TPTE: variants seen among roughly 807,000 people sequenced by gnomAD.
TPTE encodes putative tyrosine-protein phosphatase TPTE.
In TPTE, 59 loss-of-function variants were observed where a neutral mutation model predicts 84.1. The ratio of observed to expected loss-of-function variants is 0.70; its 90% CI spans 0.57 to 0.87. TPTE has a LOEUF of 0.87. Ranked by LOEUF, TPTE falls within the 40% of genes least tolerant of loss-of-function variation. The pLI, the probability that TPTE is intolerant of heterozygous loss-of-function variation, is 0.00. For synonymous variants in TPTE, 130 were observed against 223.5 expected, an observed-to-expected ratio of 0.58 and a Z score of 3.73; for missense variants, 382 against 659.6, an observed-to-expected ratio of 0.58 and a Z score of 4.61.
intron 8 of TPTE, among the ~76,000 whole-genome samples, chr21:10,555,211 T>A (rs1443732314): frequency 1.3e-5 from 2 of 152,298 alleles, no homozygotes; most frequent in Admixed American, 1.3e-4. Context: ...TATCTTTTTT[T>A]CTCTCTTTTT....
chr21:10,589,314 G>A (rs1485141016), intron 17 of TPTE, among the ~76,000 whole-genome samples: 1 of 152,302 alleles, frequency 6.6e-6, no homozygotes, highest in African/African-American at 2.4e-5. Flanking sequence ...TTGGGTGTGT[G>A]GTTTGACCTA....
intron 5 of TPTE, among the ~76,000 whole-genome samples, chr21:10,541,778 G>T (rs1206020897): frequency 3.3e-5 from 5 of 152,422 alleles, no homozygotes; most frequent in Admixed American, 2.6e-4. Context: ...AGTAGGCCCA[G>T]GGAAGAGAGA....
chr21:10,537,003 A>C (rs1368093477), intron 3 of TPTE, among the ~76,000 whole-genome samples: 2 of 152,310 alleles, frequency 1.3e-5, no homozygotes, highest in Non-Finnish European at 2.9e-5. Flanking sequence ...TGTGAGGCTA[A>C]CACTACAAGC....
chr21:10,543,014 C>CTTT lies in TPTE; in HGVS notation c.120-291_120-289dup, dbSNP rs1051322060. On this transcript the variant is annotated intron_variant, in intron 6 of 23. Transcript: ENST00000618007. Reference sequence around the variant, plus strand: ...ATCGCGTCTCCTATCTGACTGTATTCTTTTTTTTTTTTTTTTTTTTTTTTT... The same window carrying CTTT: ...ATCGCGTCTCCTATCTGACTGTATTCTTTTTTTTTTTTTTTTTTTTTTTTTTTT... Among the ~76,000 whole-genome samples the CTTT allele has an allele frequency of 3.8e-3, 275 of 72,300 alleles. 26 individuals carry two copies. The highest frequency in any genetic ancestry group is 4.9e-3 in the Non-Finnish European group (200 of 40,818). The allele number at this position is 72,300 out of a possible 152,430, so 47.4% of individuals were successfully genotyped here.
At chr21:10,548,157 G>A (rs2074505091) in intron 7 of TPTE, among the ~76,000 whole-genome samples, 1 of 152,300 alleles carries the variant, frequency 6.6e-6, no homozygotes, top group Admixed American at 6.5e-5. Context: ...TGAGAGACAA[G>A]CAACTGTGTA....
At chr21:10,582,959 C>A (rs2075296790) in intron 17 of TPTE, among the ~76,000 whole-genome samples, 1 of 152,310 alleles carries the variant, frequency 6.6e-6, no homozygotes, top group Non-Finnish European at 1.5e-5. Context: ...TCTCAAATTC[C>A]TGACCTCAAG....
intron 17 of TPTE, among the ~76,000 whole-genome samples, chr21:10,580,445 A>T (rs1648802395): frequency 6.6e-6 from 1 of 152,310 alleles, no homozygotes. Flanking sequence ...AATGTCAAGA[A>T]GATTTTCACC....
chr21:10,532,068 CT>C (rs2074188311), intron 3 of TPTE, among the ~76,000 whole-genome samples: 1 of 152,304 alleles, frequency 6.6e-6, no homozygotes, highest in African/African-American at 2.4e-5. Context: ...TTAATGGAGC[CT>C]TTATATGTTG....
chr21:10,555,328 T>C (rs558504099), intron 8 of TPTE, among the ~76,000 whole-genome samples: 213 of 152,336 alleles, frequency 1.4e-3, no homozygotes, highest in African/African-American at 5.0e-3. Context: ...TGCCTCAGCC[T>C]CCTGAGTAGC....
At chr21:10,587,794 C>T (rs1474732149) in intron 17 of TPTE, among the ~76,000 whole-genome samples, 3 of 152,428 alleles carry the variant, frequency 2.0e-5, no homozygotes, top group Non-Finnish European at 1.5e-5. Flanking sequence ...AGGTGATCCA[C>T]CCACCTCAGC....
chr21:10,569,710 AG>A lies in TPTE; in HGVS notation c.697del (p.Asp233MetfsTer5). The A allele has an allele frequency of 6.2e-7, 1 of 1,614,042 alleles. No individual in the cohort carries two copies. The highest frequency in any genetic ancestry group is 8.5e-7 in the Non-Finnish European group (1 of 1,179,866). On this transcript the variant is annotated frameshift_variant, in exon 13 of 24. Transcript: ENST00000618007. LOFTEE classifies it high-confidence loss of function. ...TTCAGAAAACAAAAGGCGATACACA[AG>A]GGATGGATTTGACCTAGACCTCACT... ...RVSENKRRYT[R>X]DGFDLDLTYV...
chr21:10,548,782 T>C (rs212120), intron 7 of TPTE, among the ~76,000 whole-genome samples: 549 of 152,184 alleles, frequency 3.6e-3, no homozygotes, highest in African/African-American at 0.011. Flanking sequence ...ATACCAGTTA[T>C]GGGAAACAGC....
chr21:10,555,822 A>G (rs919385988), intron 8 of TPTE, among the ~76,000 whole-genome samples: 1 of 152,312 alleles, frequency 6.6e-6, no homozygotes, highest in South Asian at 2.1e-4. Context: ...TTAAATGTTT[A>G]GAAAACATAA....
intron 7 of TPTE, among the ~76,000 whole-genome samples, chr21:10,546,951 C>T (rs552040033): frequency 6.6e-6 from 1 of 152,428 alleles, no homozygotes; most frequent in East Asian, 1.9e-4. Flanking sequence ...ATGAATGTGG[C>T]CAAACTAAAC....
chr21:10,546,016 C>T (rs1379173303), intron 7 of TPTE, among the ~76,000 whole-genome samples: 2 of 152,276 alleles, frequency 1.3e-5, no homozygotes, highest in African/African-American at 2.4e-5. Context: ...TGTGTATATG[C>T]AGGTATATCT....
chr21:10,575,531 GATGGGTCCCTGATCCC>G (rs1467139241), intron 14 of TPTE, among the ~76,000 whole-genome samples: 1 of 152,308 alleles, frequency 6.6e-6, no homozygotes, highest in Admixed American at 6.5e-5. Context: ...TGCTTTTTTG[GATGGGTCCCTGATCCC>G]ATGCCTCCTG....
chr21:10,541,323 C>G (rs1363993353), intron 5 of TPTE, among the ~76,000 whole-genome samples, 158 bp downstream of exon 5: 5 of 152,414 alleles, frequency 3.3e-5, no homozygotes, highest in African/African-American at 1.2e-4. Flanking sequence ...ACTACAAGAA[C>G]TAGCCAGGTG....
chr21:10,541,512 A>AT (rs2074369514), intron 5 of TPTE, among the ~76,000 whole-genome samples: 1 of 152,310 alleles, frequency 6.6e-6, no homozygotes, highest in African/African-American at 2.4e-5. Flanking sequence ...ACACACACAA[A>AT]ACAGTGACAG....
At chr21:10,541,951 T>C (rs1195299529) in intron 5 of TPTE, among the ~76,000 whole-genome samples, 5 of 152,308 alleles carry the variant, frequency 3.3e-5, no homozygotes, top group Non-Finnish European at 7.3e-5. Flanking sequence ...TATTGGATTG[T>C]GCCCCTGTGT....
Sources: gnomAD v4.1 joint callset for allele counts (sites outside exome capture counted in the v4.1 genomes callset) on GRCh38, gnomAD v4.1.1 for gene constraint, MANE v1.5 for transcripts, NCBI Gene and HGNC (gene_info 2026-07-23, HGNC 2026-07-21) for gene names.